The following TUSC3 variants were observed in gnomAD, a reference collection of about 807,000 sequenced individuals.
The protein encoded by TUSC3 is dolichyl-diphosphooligosaccharide--protein glycosyltransferase subunit TUSC3.
In TUSC3, 45 loss-of-function variants were observed where a neutral mutation model predicts 44.8. The ratio of observed to expected loss-of-function variants is 1.00; its 90% CI spans 0.79 to 1.29. TUSC3 has a LOEUF of 1.29. TUSC3 is among the 50% of genes most tolerant of loss of function. The probability of loss-of-function intolerance (pLI) is 0.00; values close to 1 mark genes in which losing one functional copy is unlikely to be tolerated. For synonymous variants in TUSC3, 212 were observed against 152.9 expected (o/e 1.39, Z -2.85); for missense variants, 519 against 437.9 (o/e 1.19, Z -1.65).
At chr8:15,516,062 GA>G (rs2129128727) in intron 2 of TUSC3, among the ~76,000 whole-genome samples, 1 of 152,180 alleles carries the variant, frequency 6.6e-6, no homozygotes, top group South Asian at 2.1e-4. Flanking sequence ...AGTTTTAGAG[GA>G]CTTCAGAAGA....
In TUSC3 at chr8:15,765,860, G is replaced by A. The variant is rs535232837; in HGVS notation, c.*1704G>A. 1.3e-5 allele frequency: 2 copies of A among 152,034 alleles called. No individual in the cohort carries two copies. Among genetic ancestry groups the A allele is most frequent in the East Asian group, 3.9e-4 (2 of 5,172 alleles). The allele number at this position is 152,034 out of a possible 1,614,324, so 9.4% of individuals were successfully genotyped here. ...CATTTTACTCAAAACTTCATACATA[G>A]AGACTCTCAGGTCAAATTTTACAAG... is the stretch of plus-strand genomic sequence containing the variant. On this transcript the variant is annotated 3_prime_UTR_variant, in exon 11 of 11. Coordinates refer to ENST00000503731, the MANE Select transcript of TUSC3 (RefSeq NM_006765.4).
chr8:15,542,570 GA>G (rs944295785), intron 1 of TUSC3, among the ~76,000 whole-genome samples: 18 of 148,942 alleles, frequency 1.2e-4, no homozygotes, highest in African/African-American at 3.0e-4. Flanking sequence ...TTTACAAGGG[GA>G]AAAAAAAAAT....
chr8:15,807,144 G>A, the TUSC3 span: 3 of 946,960 alleles, frequency 3.2e-6, no homozygotes, highest in African/African-American at 3.2e-5. Flanking sequence ...AAGTCCACTT[G>A]GCAAAGCAAT....
chr8:15,585,575 A>T (rs192518445), intron 1 of TUSC3, among the ~76,000 whole-genome samples: 1 of 152,260 alleles, frequency 6.6e-6, no homozygotes, highest in East Asian at 1.9e-4. Context: ...ATAAAGCGTG[A>T]ATTTCTTGTA....
intron 1 of TUSC3, among the ~76,000 whole-genome samples, chr8:15,468,256 G>A (rs1157685196): frequency 1.3e-5 from 2 of 152,166 alleles, no homozygotes; most frequent in Non-Finnish European, 2.9e-5. Context: ...ACAGACAGCT[G>A]CTTAATGTGA....
intron 6 of TUSC3, among the ~76,000 whole-genome samples, chr8:15,695,106 A>G (rs1399635683): frequency 6.6e-6 from 1 of 152,176 alleles, no homozygotes; most frequent in African/African-American, 2.4e-5. Flanking sequence ...GTGTCAGTGC[A>G]GTGGTGGTGT....
the TUSC3 span, among the ~76,000 whole-genome samples, chr8:15,804,315 T>C: frequency 3.9e-5 from 6 of 152,230 alleles, no homozygotes; most frequent in Admixed American, 6.5e-5. Flanking sequence ...TTTGTTTTGC[T>C]GTGCAGAAGC....
intron 1 of TUSC3, among the ~76,000 whole-genome samples, chr8:15,479,003 G>T (rs1196370861): frequency 2.6e-5 from 4 of 152,020 alleles, no homozygotes; most frequent in African/African-American, 4.8e-5. Flanking sequence ...ATCTCATTTT[G>T]GTTTTGATTT....
chr8:15,605,758 C>T (rs1804493270), intron 1 of TUSC3, among the ~76,000 whole-genome samples: 1 of 151,964 alleles, frequency 6.6e-6, no homozygotes, highest in Admixed American at 6.6e-5. Context: ...TTACAAATCA[C>T]ACATGACACC....
the TUSC3 span, among the ~76,000 whole-genome samples, chr8:15,811,061 AG>A: frequency 0.016 from 2,361 of 152,234 alleles, 64 homozygotes; most frequent in African/African-American, 0.055. Context: ...AGGAAAGAAA[AG>A]GGGGAAGCGT....
chr8:15,847,892 AATC>A, the TUSC3 span, among the ~76,000 whole-genome samples: 1 of 152,070 alleles, frequency 6.6e-6, no homozygotes, highest in African/African-American at 2.4e-5. Context: ...AGCTAGGAAT[AATC>A]ATACCTGTGA....
At position 15,472,505 on chromosome 8, in the gene TUSC3, C is replaced by T. The variant is rs554972733; in HGVS notation, n.92-10881C>T. On this transcript the variant is annotated intron_variant and non_coding_transcript_variant, in intron 1 of 5. Coordinates refer to the TUSC3 transcript ENST00000503191. ...CTTCCATTAGAGGGAAAATTATGTT[C>T]AAAGCAGTTTAAAAACCTCTCTGGT... Among the ~76,000 whole-genome samples, 3 of 152,232 alleles carry T rather than the reference C, an allele frequency of 2.0e-5. No individual in the cohort carries two copies. In the South Asian group the frequency reaches 6.2e-4, roughly 32 times the overall value.
the TUSC3 span, among the ~76,000 whole-genome samples, chr8:15,829,132 G>C: frequency 1.3e-5 from 2 of 151,682 alleles, no homozygotes; most frequent in Non-Finnish European, 2.9e-5. Context: ...TCGTTCTATG[G>C]TATGTGCACT....
downstream of TUSC3, among the ~76,000 whole-genome samples, chr8:15,770,803 G>A (rs562443496): frequency 5.9e-4 from 89 of 152,136 alleles, no homozygotes; most frequent in African/African-American, 2.0e-3. Flanking sequence ...AGCATATTAA[G>A]TATAAATACG....
intron 1 of TUSC3, among the ~76,000 whole-genome samples, chr8:15,466,354 C>T (rs1427911343): frequency 6.6e-6 from 1 of 152,186 alleles, no homozygotes; most frequent in South Asian, 2.1e-4. Flanking sequence ...AACCTTAATA[C>T]TCAAAGCAAT....
rs1317555776 is a variant in TUSC3 at position 15,766,051 on chromosome 8, A to G, written c.*1895A>G. The G allele has an allele frequency of 6.6e-6, 1 of 152,088 alleles. No homozygotes were observed. The highest frequency in any genetic ancestry group is 2.4e-5 in the African/African-American group (1 of 41,450). The allele number at this position is 152,088 out of a possible 1,614,324, so 9.4% of individuals were successfully genotyped here. A position where few individuals can be genotyped will look rare whatever the true frequency, so the allele number is the denominator to read the frequency against. On this transcript the variant is annotated 3_prime_UTR_variant, in exon 11 of 11. Coordinates refer to ENST00000503731, the MANE Select transcript of TUSC3 (RefSeq NM_006765.4). ...AGGTCATCCTCAGACACTATAACTAAGATAGATAAGGAGTACTTTACTATA... is the reference window on the plus strand; with the variant it reads ...AGGTCATCCTCAGACACTATAACTAGGATAGATAAGGAGTACTTTACTATA...
chr8:15,417,807 G>A (rs554069267), intron 1 of TUSC3, among the ~76,000 whole-genome samples: 1 of 152,212 alleles, frequency 6.6e-6, no homozygotes, highest in East Asian at 1.9e-4. Context: ...GTTGGCTTAT[G>A]GTTAAGCTGT....
At chr8:15,590,823 C>T (rs937443256) in intron 1 of TUSC3, among the ~76,000 whole-genome samples, 1 of 151,802 alleles carries the variant, frequency 6.6e-6, no homozygotes, top group Non-Finnish European at 1.5e-5. Flanking sequence ...AGGTGCACAC[C>T]ACTGTGCCTG....
chr8:15,431,493 A>G (rs1298458087), intron 1 of TUSC3, among the ~76,000 whole-genome samples: 1 of 151,758 alleles, frequency 6.6e-6, no homozygotes, highest in East Asian at 1.9e-4. Context: ...GTTAGTGTAT[A>G]GAAACACATC....
Sources: allele counts gnomAD v4.1 joint callset (sites outside exome capture counted in the v4.1 genomes callset), GRCh38; gene constraint gnomAD v4.1.1; transcripts MANE v1.5; gene names NCBI Gene and HGNC (gene_info 2026-07-23, HGNC 2026-07-21).